MKLN1: variants seen among roughly 807,000 people sequenced by gnomAD.
MKLN1 encodes the protein muskelin.
Under a neutral mutation model 99.0 loss-of-function variants are expected in MKLN1, and 18 were observed. That is an observed-to-expected ratio of 0.18 (90% confidence interval 0.13 to 0.27). MKLN1 has a LOEUF of 0.27. MKLN1 is among the 10% of genes least tolerant of loss of function. The pLI is 1.00. For synonymous variants in MKLN1, 288 were observed against 293.2 expected (o/e 0.98, Z 0.18); for missense variants, 621 against 875.9 (o/e 0.71, Z 3.67).
At chr7:131,211,336 C>T (rs1477577810) in intron 3 of MKLN1, among the ~76,000 whole-genome samples, 1 of 152,164 alleles carries the variant, frequency 6.6e-6, no homozygotes, top group Non-Finnish European at 1.5e-5. Flanking sequence ...GCTTCATCTA[C>T]AGCAAACAAA....
intron 2 of MKLN1, among the ~76,000 whole-genome samples, chr7:131,186,139 C>T (rs1456362165): frequency 6.6e-6 from 1 of 151,928 alleles, no homozygotes; most frequent in East Asian, 1.9e-4. Context: ...TGCAATGAGC[C>T]GAAATCATGT....
At chr7:131,344,653 G>T (rs1188180794) in intron 1 of MKLN1, among the ~76,000 whole-genome samples, 1 of 152,176 alleles carries the variant, frequency 6.6e-6, no homozygotes, top group African/African-American at 2.4e-5. Flanking sequence ...GAACTTGCCT[G>T]TGGCTTATGC....
At chr7:131,322,863 C>G (rs1455200294) in intron 3 of MKLN1, among the ~76,000 whole-genome samples, 1 of 152,158 alleles carries the variant, frequency 6.6e-6, no homozygotes, top group Non-Finnish European at 1.5e-5. Context: ...AGCCACCGCG[C>G]CCGGCCACTG....
chr7:131,383,733 T>G (rs552506202), intron 2 of MKLN1, among the ~76,000 whole-genome samples: 27 of 152,334 alleles, frequency 1.8e-4, no homozygotes, highest in African/African-American at 6.3e-4. Context: ...TCATCCTTAA[T>G]GCCTCCCTCT....
At chr7:131,126,055 T>A (rs4990028) in intron 1 of MKLN1, among the ~76,000 whole-genome samples, 24,617 of 103,246 alleles carry the variant, frequency 0.24, 2,574 homozygotes, top group South Asian at 0.46. Context: ...AATAAATTAA[T>A]TAATTAATAA....
intron 2 of MKLN1, among the ~76,000 whole-genome samples, chr7:131,161,502 C>T (rs1796047496): frequency 6.6e-6 from 1 of 152,214 alleles, no homozygotes; most frequent in African/African-American, 2.4e-5. Context: ...ACAAAGCCTG[C>T]TGTTCTCTGC....
At chr7:131,167,317 C>T (rs764459300) in intron 2 of MKLN1, among the ~76,000 whole-genome samples, 5 of 152,136 alleles carry the variant, frequency 3.3e-5, no homozygotes, top group Non-Finnish European at 7.3e-5. Context: ...AAATGTCCAT[C>T]TCCTGCAACG....
chr7:131,445,423 C>T (rs1795981907), intron 11 of MKLN1, among the ~76,000 whole-genome samples: 1 of 152,138 alleles, frequency 6.6e-6, no homozygotes, highest in African/African-American at 2.4e-5. Flanking sequence ...TTCTCGCTCT[C>T]GCTTGCGTGC....
At chr7:131,339,069 G>T (rs969969395) in intron 1 of MKLN1, among the ~76,000 whole-genome samples, 1 of 152,016 alleles carries the variant, frequency 6.6e-6, no homozygotes, top group Non-Finnish European at 1.5e-5. Context: ...TGTCATACAC[G>T]TAACACATGA....
At chr7:131,237,924 A>G (rs987861025) in intron 3 of MKLN1, among the ~76,000 whole-genome samples, 2 of 152,186 alleles carry the variant, frequency 1.3e-5, no homozygotes, top group African/African-American at 4.8e-5. Flanking sequence ...AGGCAGGTGG[A>G]TCACCTGAGG....
At chr7:131,452,160 T>C (rs1584757956) in intron 12 of MKLN1, among the ~76,000 whole-genome samples, 2 of 152,328 alleles carry the variant, frequency 1.3e-5, no homozygotes, top group Admixed American at 1.3e-4. Context: ...AAATTGAGAA[T>C]CAGAAGACTT....
At chr7:131,471,760 G>T (rs75298305) in intron 16 of MKLN1, 6,299 of 152,248 alleles carry the variant, frequency 0.041, 199 homozygotes, top group Non-Finnish European at 0.061. Flanking sequence ...CTCCTGCCTT[G>T]CTTTGGCTTT....
chr7:131,334,625 C>T (rs141064463), intron 1 of MKLN1, among the ~76,000 whole-genome samples: 20 of 152,132 alleles, frequency 1.3e-4, no homozygotes, highest in Middle Eastern at 3.4e-3. Flanking sequence ...CTATTATTTG[C>T]GTTAACTTTT....
chr7:131,240,209 A>T (rs993528625), intron 3 of MKLN1, among the ~76,000 whole-genome samples: 1 of 152,086 alleles, frequency 6.6e-6, no homozygotes, highest in Admixed American at 6.6e-5. Context: ...AATGGTGACT[A>T]TTATAAGTAA....
chr7:131,483,420 C>T (rs1408181016), intron 17 of MKLN1, among the ~76,000 whole-genome samples: 1 of 152,114 alleles, frequency 6.6e-6, no homozygotes, highest in Non-Finnish European at 1.5e-5. Flanking sequence ...TCAAAGAGTA[C>T]AGAGTTAGGT....
intron 1 of MKLN1, among the ~76,000 whole-genome samples, chr7:131,112,208 C>T (rs1795212639): frequency 6.6e-6 from 1 of 152,158 alleles, no homozygotes; most frequent in South Asian, 2.1e-4. Flanking sequence ...CATTGTAGGT[C>T]TTATGTCAGT....
chr7:131,441,048 G>T (rs928884364), intron 10 of MKLN1, among the ~76,000 whole-genome samples: 6 of 152,164 alleles, frequency 3.9e-5, no homozygotes, highest in Non-Finnish European at 8.8e-5. Flanking sequence ...AGACATTCAA[G>T]AAAAGACAGT....
At chr7:131,212,706 C>T (rs1488210569) in intron 3 of MKLN1, among the ~76,000 whole-genome samples, 1 of 152,070 alleles carries the variant, frequency 6.6e-6, no homozygotes, top group East Asian at 1.9e-4. Context: ...GGTGGATCAC[C>T]TGAGGTTGGG....
chr7:131,476,286 A>G (rs1312852891), intron 16 of MKLN1, among the ~76,000 whole-genome samples: 2 of 152,194 alleles, frequency 1.3e-5, no homozygotes, highest in Non-Finnish European at 2.9e-5. Flanking sequence ...TTCTACCAGA[A>G]TTACACTAGC....
Sources: gnomAD v4.1 joint callset for allele counts (sites outside exome capture counted in the v4.1 genomes callset) on GRCh38, gnomAD v4.1.1 for gene constraint, MANE v1.5 for transcripts, NCBI Gene and HGNC (gene_info 2026-07-23, HGNC 2026-07-21) for gene names.